MGAT4A: variants seen among roughly 807,000 people sequenced by gnomAD.
The protein encoded by MGAT4A is N-acetylglucosaminyltransferase IVa.
MGAT4A carries 33 observed loss-of-function variants against 74.1 expected under a neutral mutation model. That is an observed-to-expected ratio of 0.45 (90% CI 0.34 to 0.60). The LOEUF (loss-of-function observed/expected upper bound fraction) is 0.60. MGAT4A is among the 20% of genes least tolerant of loss of function. The pLI is 0.02. For missense variants in MGAT4A, 479 were observed against 628.3 expected (o/e 0.76, Z 2.54); for synonymous variants, 198 against 210.4 (o/e 0.94, Z 0.51).
intron 12 of MGAT4A, 85 bp downstream of exon 12, chr2:98,639,723 G>A: frequency 8.1e-7 from 1 of 1,240,100 alleles, no homozygotes; most frequent in Non-Finnish European, 1.1e-6. Context: ...CATCTGTCAG[G>A]CACACACACA....
At chr2:98,644,093 C>A in intron 9 of MGAT4A, 40 bp from the exon 10 acceptor site, 1 of 1,514,026 alleles carries the variant, frequency 6.6e-7, no homozygotes, top group Non-Finnish European at 8.9e-7. Flanking sequence ...AATGAAGAAA[C>A]CAAGCACCAA....
intron 13 of MGAT4A, 82 bp downstream of exon 13, chr2:98,636,434 TC>T: frequency 9.7e-7 from 1 of 1,033,946 alleles, no homozygotes; most frequent in South Asian, 1.4e-5. Flanking sequence ...GAATTTTCTT[TC>T]CCCTTAAAAA....
rs114990767 is a variant in MGAT4A at position 98,675,838 on chromosome 2, G to A, written c.263-663C>T. On this transcript the variant is annotated intron_variant, in intron 3 of 15. Transcript: ENST00000393487. Reference sequence around the variant, plus strand: ...CAAAGTGCTGGGATTACAGGCATGAGCTATCATGCTCAACCATTCACTTTC... The same window carrying A: ...CAAAGTGCTGGGATTACAGGCATGAACTATCATGCTCAACCATTCACTTTC... 4.6e-3 allele frequency among the ~76,000 whole-genome samples: 701 copies of A among 152,318 alleles called. 3 individuals are homozygous for A. Among genetic ancestry groups the A allele is most frequent in the African/African-American group, 0.016 (684 of 41,574 alleles).
chr2:98,656,575 C>T (rs1012020785), intron 6 of MGAT4A, 110 bp from the exon 7 acceptor site: 4 of 678,058 alleles, frequency 5.9e-6, no homozygotes, highest in East Asian at 2.8e-5. Context: ...TTTGTAGCAA[C>T]GTATAATGTT....
At chr2:98,696,588 G>C (rs1293529375) in intron 2 of MGAT4A, among the ~76,000 whole-genome samples, 1 of 152,194 alleles carries the variant, frequency 6.6e-6, no homozygotes, top group Non-Finnish European at 1.5e-5. Context: ...ACACTAGAAA[G>C]GGGAAATAAG....
At chr2:98,697,274 A>G (rs555056968) in intron 2 of MGAT4A, among the ~76,000 whole-genome samples, 2 of 152,342 alleles carry the variant, frequency 1.3e-5, no homozygotes, top group African/African-American at 2.4e-5. Context: ...CATGGGCGTC[A>G]CGCAGAATAA....
rs202058781 is a variant in MGAT4A, at chr2:98,678,354, C to T, written c.212G>A (p.Arg71His). ...ELNTIVQQFK[R>H]VGAETNGSKD... is the part of the protein sequence containing the mutation. ...ACTTCCATTTGTTTCTGCTCCTACACGCTTGAACTGTTGCACAATCGTATT... is the reference window on the plus strand; with the variant it reads ...ACTTCCATTTGTTTCTGCTCCTACATGCTTGAACTGTTGCACAATCGTATT... Residue 71 changes from arginine (R) to histidine (H), a missense_variant, in exon 3 of 16, where the codon CGT becomes CAT. Around this residue, in one of 3 missense-constraint regions of MGAT4A, gnomAD observed 205 missense variants for 232.7 expected, o/e 0.88. Coordinates refer to ENST00000393487, the MANE Select transcript of MGAT4A (RefSeq NM_012214.3). 7.1e-5 allele frequency: 111 copies of T among 1,552,982 alleles called. No individual in the cohort carries two copies. In the Admixed American group the frequency reaches 1.0e-3, roughly 15 times the overall value.
intron 2 of MGAT4A, among the ~76,000 whole-genome samples, chr2:98,679,323 A>G (rs1010372672): frequency 6.7e-6 from 1 of 149,026 alleles, no homozygotes; most frequent in East Asian, 2.0e-4. Flanking sequence ...GGAGAATGGC[A>G]TGAACCCAGG....
At chr2:98,705,646 T>C (rs1388989920) in intron 2 of MGAT4A, among the ~76,000 whole-genome samples, 1 of 152,182 alleles carries the variant, frequency 6.6e-6, no homozygotes, top group East Asian at 1.9e-4. Context: ...CCGAACTTAA[T>C]GAAAATCAAC....
chr2:98,621,651 T>C lies in MGAT4A; in HGVS notation c.*3915A>G. ...ACAAGGTCATTGGTGGGGGTGTCAG[T>C]AGGGGTCATTCTTAGAAATTTGCCT... On this transcript the variant is annotated 3_prime_UTR_variant, in exon 16 of 16. Transcript: ENST00000393487. The C allele has an allele frequency of 6.9e-7, 1 of 1,447,418 alleles. No individual in the cohort carries two copies. The highest frequency in any genetic ancestry group is 9.1e-7 in the Non-Finnish European group (1 of 1,099,172). The allele number at this position is 1,447,418 out of a possible 1,614,324, so 89.7% of individuals were successfully genotyped here.
chr2:98,681,880 A>G (rs1702065090), intron 2 of MGAT4A, among the ~76,000 whole-genome samples: 1 of 152,196 alleles, frequency 6.6e-6, no homozygotes, highest in African/African-American at 2.4e-5. Context: ...TATTACCAAA[A>G]GAAAAAAATG....
chr2:98,646,229 TAC>T lies in MGAT4A; in HGVS notation c.775-689_775-688del, dbSNP rs373729046. 1.8e-3 allele frequency among the ~76,000 whole-genome samples: 273 copies of T among 152,102 alleles called. 1 individual carries two copies. Among genetic ancestry groups the T allele is most frequent in the African/African-American group, 6.3e-3 (263 of 41,502 alleles). ...TTTTTTTTTCCTCTGTAAAATAAAA[TAC>T]ACTTTTTCTTGCTGAAAGTCCTAGA... On this transcript the variant is annotated intron_variant, in intron 8 of 15. Coordinates refer to ENST00000393487, the MANE Select transcript of MGAT4A (RefSeq NM_012214.3).
chr2:98,644,669 C>T (rs1007138010), intron 9 of MGAT4A, among the ~76,000 whole-genome samples: 2 of 151,260 alleles, frequency 1.3e-5, no homozygotes, highest in Non-Finnish European at 2.9e-5. Flanking sequence ...GTCTCACTCT[C>T]GTCCCCAAGG....
chr2:98,624,099 G>A lies in MGAT4A; in HGVS notation c.*1467C>T. On this transcript the variant is annotated 3_prime_UTR_variant, in exon 16 of 16. Transcript: ENST00000393487. ...GCGATCTCAGCTCACTGCCAGCTCT[G>A]CCTCCTGGGTTCACGCCATTCTCCT... is the stretch of plus-strand genomic sequence containing the variant. 1.2e-6 allele frequency: 1 copy of A among 865,058 alleles called. No homozygotes were observed. Among genetic ancestry groups the A allele is most frequent in the Non-Finnish European group, 1.4e-6 (1 of 720,400 alleles). 53.6% of individuals were successfully genotyped at this position (865,058 alleles called of 1,614,324 possible). A position where few individuals can be genotyped will look rare whatever the true frequency, so the allele number is the denominator to read the frequency against.
chr2:98,641,289 G>C (rs957493189), intron 10 of MGAT4A, among the ~76,000 whole-genome samples: 1 of 152,100 alleles, frequency 6.6e-6, no homozygotes, highest in African/African-American at 2.4e-5. Context: ...GGGAGGCCAA[G>C]GTAGATGGAT....
chr2:98,664,200 C>CAAAAAAAAAAAA (rs57981145), intron 4 of MGAT4A, among the ~76,000 whole-genome samples: 13 of 51,488 alleles, frequency 2.5e-4, no homozygotes, highest in Non-Finnish European at 4.3e-4. Context: ...GATTCCATCT[C>CAAAAAAAAAAAA]AAAAAAAAAA....
intron 14 of MGAT4A, among the ~76,000 whole-genome samples, chr2:98,633,026 G>T (rs879518967): frequency 1.3e-5 from 2 of 152,212 alleles, no homozygotes; most frequent in Non-Finnish European, 2.9e-5. Flanking sequence ...CCAAAGTGCT[G>T]AGATTACAGG....
intron 2 of MGAT4A, among the ~76,000 whole-genome samples, chr2:98,715,593 A>G (rs965730529): frequency 6.6e-6 from 1 of 152,218 alleles, no homozygotes; most frequent in African/African-American, 2.4e-5. Context: ...CAGCTAAATG[A>G]GAACACATGG....
chr2:98,715,980 A>T (rs928533374), intron 2 of MGAT4A, among the ~76,000 whole-genome samples: 6 of 152,220 alleles, frequency 3.9e-5, no homozygotes, highest in Admixed American at 3.3e-4. Flanking sequence ...CATCACCAGT[A>T]ACAAGACACA....
Sources: gnomAD v4.1 joint callset for allele counts (sites outside exome capture counted in the v4.1 genomes callset) on GRCh38, gnomAD v4.1.1 for gene constraint, gnomAD v4.1.1 regional missense constraint, MANE v1.5 for transcripts, NCBI Gene and HGNC (gene_info 2026-07-23, HGNC 2026-07-21) for gene names.